Variants in NKAIN2 observed in about 807,000 individuals in gnomAD.
NKAIN2 encodes the protein sodium/potassium-transporting ATPase subunit beta-1-interacting protein 2.
In NKAIN2, 14 loss-of-function variants were observed where a neutral mutation model predicts 32.6. The observed-to-expected ratio is 0.43, with a 90% CI of 0.28 to 0.67. NKAIN2 has a LOEUF of 0.67. Ranked by LOEUF, NKAIN2 falls within the 30% of genes least tolerant of loss-of-function variation. The pLI is 0.17. For missense variants in NKAIN2, 198 were observed against 258.3 expected, an observed-to-expected ratio of 0.77 and a Z score of 1.60; for synonymous variants, 80 against 87.2, an observed-to-expected ratio of 0.92 and a Z score of 0.46.
rs73770291 is a variant in NKAIN2 at position 123,859,053 on chromosome 6, A to G, written c.54+54799A>G. ...ATGTACATAAATTACTAGAATTTAT[A>G]TTGTTTTAAAGGAAGAATTACCACA... On this transcript the variant is annotated intron_variant, in intron 1 of 6. Transcript: ENST00000368417. Among the ~76,000 whole-genome samples the G allele has an allele frequency of 9.5e-3, 1,453 of 152,302 alleles. 15 individuals carry two copies. Among genetic ancestry groups the G allele is most frequent in the African/African-American group, 0.034 (1,395 of 41,564 alleles).
chr6:124,333,252 C>T (rs998031136), intron 2 of NKAIN2, among the ~76,000 whole-genome samples: 1 of 152,090 alleles, frequency 6.6e-6, no homozygotes, highest in Non-Finnish European at 1.5e-5. Flanking sequence ...TATTCATTTC[C>T]TGTTGCTAAA....
rs561029296 is a variant in NKAIN2, at chr6:124,590,933, C to G, written c.274-67253C>G. Among the ~76,000 whole-genome samples the G allele has an allele frequency of 3.3e-5, 5 of 152,268 alleles. No individual in the cohort carries two copies. In the South Asian group the frequency reaches 8.3e-4, roughly 25 times the overall value. Reference sequence around the variant, plus strand: ...GAAATAAGTAGAGAATACAATCACTCAAGGGGTACATGATGTTTGGATTTC... The same window carrying G: ...GAAATAAGTAGAGAATACAATCACTGAAGGGGTACATGATGTTTGGATTTC... On this transcript the variant is annotated intron_variant, in intron 3 of 6. Coordinates refer to ENST00000368417, the MANE Select transcript of NKAIN2 (RefSeq NM_001040214.3).
intron 1 of NKAIN2, among the ~76,000 whole-genome samples, chr6:124,192,959 C>T (rs1790104698): frequency 1.3e-5 from 2 of 152,018 alleles, no homozygotes; most frequent in African/African-American, 4.8e-5. Flanking sequence ...CCGTGTTAGC[C>T]AGGATGGTCT....
chr6:124,305,067 C>T (rs1331183177), intron 2 of NKAIN2, among the ~76,000 whole-genome samples: 1 of 151,982 alleles, frequency 6.6e-6, no homozygotes, highest in Admixed American at 6.6e-5. Flanking sequence ...AAAAAATTAG[C>T]TACGAAAGAA....
intron 1 of NKAIN2, among the ~76,000 whole-genome samples, chr6:123,975,272 A>G (rs1033255641): frequency 2.0e-5 from 3 of 152,188 alleles, no homozygotes; most frequent in African/African-American, 7.2e-5. Flanking sequence ...AAAAATGCTC[A>G]GGAAATTCTC....
rs114670167 is a variant in NKAIN2 at position 124,593,178 on chromosome 6, T to C, written c.274-65008T>C. Among the ~76,000 whole-genome samples the C allele has an allele frequency of 8.8e-3, 1,333 of 150,704 alleles. 29 individuals carry two copies. Among genetic ancestry groups the C allele is most frequent in the African/African-American group, 0.031 (1,263 of 40,980 alleles). On this transcript the variant is annotated intron_variant, in intron 3 of 6. Transcript: ENST00000368417. The stretch of plus-strand genomic sequence containing the variant: ...TTTACTCTAATGGGAATGCTTTCTG[T>C]TCAGCCATTCAAAGGAGATGAGAGT...
intron 3 of NKAIN2, among the ~76,000 whole-genome samples, chr6:124,384,715 C>T (rs1247622930): frequency 2.1e-5 from 3 of 145,812 alleles, no homozygotes; most frequent in Non-Finnish European, 3.1e-5. Flanking sequence ...CAGCCTCAAC[C>T]TCCTGGGTTC....
At chr6:124,002,673 C>G (rs1289252268) in intron 1 of NKAIN2, among the ~76,000 whole-genome samples, 1 of 152,082 alleles carries the variant, frequency 6.6e-6, no homozygotes, top group African/African-American at 2.4e-5. Flanking sequence ...TTAACTTGCT[C>G]CATTCAAAAG....
chr6:123,989,730 A>T (rs9482498), intron 1 of NKAIN2, among the ~76,000 whole-genome samples: 5 of 152,162 alleles, frequency 3.3e-5, no homozygotes, highest in South Asian at 2.1e-4. Flanking sequence ...AATTTTTTTT[A>T]AAACCATCTT....
intron 3 of NKAIN2, among the ~76,000 whole-genome samples, chr6:124,516,857 G>T (rs565645532): frequency 1.2e-4 from 18 of 152,226 alleles, no homozygotes; most frequent in African/African-American, 4.1e-4. Context: ...TTGCATGGGG[G>T]CTTTACTCCT....
At chr6:124,792,861 G>C (rs927437382) in intron 5 of NKAIN2, among the ~76,000 whole-genome samples, 20 of 152,020 alleles carry the variant, frequency 1.3e-4, no homozygotes, top group African/African-American at 4.6e-4. Context: ...TAGAAAAATG[G>C]GTATGAAGAT....
intron 1 of NKAIN2, among the ~76,000 whole-genome samples, chr6:124,244,536 A>G (rs1172173187): frequency 2.0e-5 from 3 of 151,848 alleles, no homozygotes; most frequent in Admixed American, 1.3e-4. Flanking sequence ...ATCTACCACT[A>G]TTGCTGCTCT....
chr6:124,261,792 A>G (rs1008999900), intron 1 of NKAIN2, among the ~76,000 whole-genome samples: 4 of 151,748 alleles, frequency 2.6e-5, no homozygotes, highest in African/African-American at 9.7e-5. Flanking sequence ...TCCGGGAGGC[A>G]GAGATTGCAG....
chr6:123,886,967 T>C (rs1182275981), intron 1 of NKAIN2, among the ~76,000 whole-genome samples: 3 of 152,160 alleles, frequency 2.0e-5, no homozygotes, highest in African/African-American at 7.2e-5. Flanking sequence ...ATGCAGATCT[T>C]ACTGATTTAC....
At chr6:124,574,854 T>C (rs1288059913) in intron 3 of NKAIN2, among the ~76,000 whole-genome samples, 1 of 152,182 alleles carries the variant, frequency 6.6e-6, no homozygotes, top group African/African-American at 2.4e-5. Flanking sequence ...AGGGTGCTAG[T>C]CTTTTCTCTA....
rs566626929 is a variant in NKAIN2 at position 124,808,835 on chromosome 6, A to G, written c.536-9552A>G. On this transcript the variant is annotated intron_variant, in intron 5 of 6. Transcript: ENST00000368417. The stretch of plus-strand genomic sequence containing the variant: ...AAATCACAAGCATTCTTATACACCA[A>G]TAACAGACAAACAGAGAGCCAAATC... Among the ~76,000 whole-genome samples the G allele has an allele frequency of 1.2e-4, 18 of 152,298 alleles. No homozygotes were observed. The South Asian group carries it at 1.7e-3, about 14-fold the overall frequency.
chr6:124,058,440 A>G (rs1294649883), intron 1 of NKAIN2, among the ~76,000 whole-genome samples: 1 of 152,090 alleles, frequency 6.6e-6, no homozygotes, highest in Non-Finnish European at 1.5e-5. Flanking sequence ...CTATTAGTTC[A>G]GAGACATTGG....
intron 1 of NKAIN2, among the ~76,000 whole-genome samples, chr6:124,202,902 G>T (rs772134898): frequency 6.6e-6 from 1 of 151,780 alleles, no homozygotes; most frequent in Non-Finnish European, 1.5e-5. Context: ...AGTGATTGTG[G>T]CACCTACAAG....
intron 3 of NKAIN2, among the ~76,000 whole-genome samples, chr6:124,567,751 T>G (rs897720960): frequency 2.0e-5 from 3 of 152,238 alleles, no homozygotes; most frequent in East Asian, 3.8e-4. Flanking sequence ...AGTAAATATG[T>G]TGGGCTTTGC....
Sources: allele counts gnomAD v4.1 joint callset (sites outside exome capture counted in the v4.1 genomes callset), GRCh38; gene constraint gnomAD v4.1.1; transcripts MANE v1.5; gene names NCBI Gene and HGNC (gene_info 2026-07-23, HGNC 2026-07-21).